Variants in HCRTR2 observed in about 807,000 individuals in gnomAD.
HCRTR2 encodes hypocretin receptor 2.
Under a neutral mutation model 49.0 loss-of-function variants are expected in HCRTR2, and 22 were observed. The ratio of observed to expected loss-of-function variants is 0.45; its 90% CI spans 0.32 to 0.64. HCRTR2 has a LOEUF of 0.64. HCRTR2 is among the 30% of genes least tolerant of loss of function. The pLI is 0.04. For synonymous variants in HCRTR2, 236 were observed against 205.3 expected, an observed-to-expected ratio of 1.15 and a Z score of -1.28; for missense variants, 491 against 559.4, an observed-to-expected ratio of 0.88 and a Z score of 1.23.
chr6:55,251,268 T>G (rs1419661749), intron 2 of HCRTR2, among the ~76,000 whole-genome samples: 1 of 152,152 alleles, frequency 6.6e-6, no homozygotes, highest in East Asian at 1.9e-4. Context: ...TATGTTCTTT[T>G]TCTTCTAAAT....
At chr6:55,159,239 C>A (rs1764772375) in intron 1 of HCRTR2, among the ~76,000 whole-genome samples, 1 of 150,934 alleles carries the variant, frequency 6.6e-6, no homozygotes, top group East Asian at 2.0e-4. Context: ...GGAAAATTAA[C>A]AAACAGAAAG....
At chr6:55,152,304 G>C (rs929752987) in intron 1 of HCRTR2, among the ~76,000 whole-genome samples, 2 of 151,764 alleles carry the variant, frequency 1.3e-5, no homozygotes, top group African/African-American at 4.8e-5. Context: ...TTGTGGTTTT[G>C]ATTTGCATTC....
chr6:55,222,094 G>A (rs895407585), intron 1 of HCRTR2, among the ~76,000 whole-genome samples: 4 of 151,800 alleles, frequency 2.6e-5, no homozygotes, highest in Admixed American at 2.6e-4. Flanking sequence ...AATATATAAG[G>A]AACACCTACA....
chr6:55,192,613 T>C (rs996034309), intron 1 of HCRTR2, among the ~76,000 whole-genome samples: 1 of 152,144 alleles, frequency 6.6e-6, no homozygotes, highest in African/African-American at 2.4e-5. Context: ...TACACACTTT[T>C]CTGCATCTAG....
chr6:55,128,757 T>C (rs1028620794), intron 1 of HCRTR2, among the ~76,000 whole-genome samples: 1 of 152,154 alleles, frequency 6.6e-6, no homozygotes, highest in African/African-American at 2.4e-5. Context: ...ACATTTTAGG[T>C]GTAATCAGTA....
intron 1 of HCRTR2, among the ~76,000 whole-genome samples, chr6:55,149,506 A>G (rs1764636709): frequency 6.6e-6 from 1 of 152,136 alleles, no homozygotes; most frequent in Non-Finnish European, 1.5e-5. Context: ...CATGAGTACA[A>G]GAAAGGTCAA....
In HCRTR2 at chr6:55,122,101, T is replaced by C. The variant is rs565080635; in HGVS notation, c.-378+15556T>C. On this transcript the variant is annotated intron_variant, in intron 1 of 7. Transcript: ENST00000615358. The stretch of plus-strand genomic sequence containing the variant: ...GTGAATCCATCTGGTCCTGGACTTT[T>C]TTTGGTTGGTAAGCTATTAATTATT... Among the ~76,000 whole-genome samples the C allele has an allele frequency of 9.8e-5, 15 of 152,296 alleles. No homozygotes were observed. In the East Asian group the frequency reaches 2.9e-3, roughly 29 times the overall value.
chr6:55,174,371 C>T, upstream of HCRTR2: 1 of 581,620 alleles, frequency 1.7e-6, no homozygotes, highest in East Asian at 3.0e-5. Context: ...TGCCTATCTT[C>T]CCGGTGCAAC....
At chr6:55,216,208 T>A (rs34180141) in intron 1 of HCRTR2, among the ~76,000 whole-genome samples, 2 of 152,228 alleles carry the variant, frequency 1.3e-5, no homozygotes, top group African/African-American at 4.8e-5. Context: ...CTTAATACTG[T>A]TACATTAGTA....
chr6:55,121,133 T>C (rs1324925540), intron 1 of HCRTR2, among the ~76,000 whole-genome samples: 9 of 152,174 alleles, frequency 5.9e-5, no homozygotes, highest in Non-Finnish European at 8.8e-5. Context: ...CATTTGTTTG[T>C]ATCCTCTTTT....
upstream of HCRTR2, among the ~76,000 whole-genome samples, chr6:55,173,834 A>G (rs956229278): frequency 6.6e-6 from 1 of 152,246 alleles, no homozygotes; most frequent in Non-Finnish European, 1.5e-5. Context: ...TTTAAGGAGA[A>G]AGTGAAGACG....
intron 6 of HCRTR2, 59 bp downstream of exon 6, chr6:55,280,503 G>T (rs557336853): frequency 1.1e-5 from 17 of 1,603,696 alleles, no homozygotes; most frequent in Non-Finnish European, 1.4e-5. Flanking sequence ...AGGAATCAAT[G>T]AACACTCTTC....
chr6:55,193,607 T>G (rs1316668204), intron 1 of HCRTR2, among the ~76,000 whole-genome samples: 2 of 151,998 alleles, frequency 1.3e-5, no homozygotes, highest in Admixed American at 6.6e-5. Context: ...AAACCAAAAT[T>G]TATGGGGGCA....
At chr6:55,201,154 C>T (rs1482590514) in intron 1 of HCRTR2, among the ~76,000 whole-genome samples, 1 of 152,022 alleles carries the variant, frequency 6.6e-6, no homozygotes, top group Non-Finnish European at 1.5e-5. Context: ...GTCATTTAAA[C>T]TTTTTGGATT....
intron 1 of HCRTR2, among the ~76,000 whole-genome samples, chr6:55,120,406 T>G (rs2127236963): frequency 6.6e-6 from 1 of 152,234 alleles, no homozygotes; most frequent in African/African-American, 2.4e-5. Context: ...TGTTTTTCTA[T>G]TTGTTTGTGC....
intron 4 of HCRTR2, among the ~76,000 whole-genome samples, chr6:55,264,321 T>C (rs1766823419): frequency 6.6e-6 from 1 of 152,110 alleles, no homozygotes; most frequent in Non-Finnish European, 1.5e-5. Context: ...AGGCAGAATG[T>C]ATAATTTTAA....
intron 1 of HCRTR2, among the ~76,000 whole-genome samples, chr6:55,121,064 G>A (rs946178308): frequency 2.6e-5 from 4 of 152,038 alleles, no homozygotes; most frequent in African/African-American, 9.7e-5. Context: ...ATTACCTTGG[G>A]CAGTATGGCC....
At chr6:55,181,795 G>T (rs1229115037) in intron 1 of HCRTR2, among the ~76,000 whole-genome samples, 1 of 152,154 alleles carries the variant, frequency 6.6e-6, no homozygotes, top group Non-Finnish European at 1.5e-5. Flanking sequence ...TCTTTTACTG[G>T]TCTTCAGCTA....
chr6:55,128,034 T>C lies in HCRTR2; in HGVS notation c.-378+21489T>C, dbSNP rs142676131. ...CTGAATGGTATTGCCCAGGTTGTCT[T>C]CAGAATTTTTATAGTTTTGTGTTTT... is the stretch of plus-strand genomic sequence containing the variant. On this transcript the variant is annotated intron_variant, in intron 1 of 7. Transcript: ENST00000615358. Among the ~76,000 whole-genome samples the C allele has an allele frequency of 3.3e-3, 509 of 152,290 alleles. 7 individuals carry two copies. Among genetic ancestry groups the C allele is most frequent in the African/African-American group, 0.012 (483 of 41,556 alleles).
Sources: gnomAD v4.1 joint callset for allele counts (sites outside exome capture counted in the v4.1 genomes callset) on GRCh38, gnomAD v4.1.1 for gene constraint, MANE v1.5 for transcripts, NCBI Gene and HGNC (gene_info 2026-07-23, HGNC 2026-07-21) for gene names.